Variants in SRGAP2B observed in about 807,000 individuals in gnomAD.
SRGAP2B encodes the protein SLIT-ROBO Rho GTPase activating protein 2B, also known as SLIT-ROBO Rho GTPase-activating protein 2B.
A neutral mutation model predicts 22.2 loss-of-function variants in SRGAP2B; 9 were observed. The ratio of observed to expected loss-of-function variants is 0.41; its 90% CI spans 0.24 to 0.71. The LOEUF is 0.71. Ranked by LOEUF, SRGAP2B falls within the 30% of genes least tolerant of loss-of-function variation. The pLI is 0.35. For missense variants in SRGAP2B, 114 were observed against 235.8 expected (o/e 0.48, Z 3.38); for synonymous variants, 36 against 87.4 (o/e 0.41, Z 3.28).
chr1:144,990,949 T>C (rs1182845671), intron 3 of SRGAP2B, among the ~76,000 whole-genome samples: 3 of 150,724 alleles, frequency 2.0e-5, no homozygotes, highest in African/African-American at 7.4e-5. Context: ...CATGGGCTCC[T>C]GTGCGGCCGG....
At chr1:145,016,741 T>A (rs1672440640) in intron 2 of SRGAP2B, among the ~76,000 whole-genome samples, 2 of 139,046 alleles carry the variant, frequency 1.4e-5, no homozygotes, top group African/African-American at 5.6e-5. Flanking sequence ...CTGTAGAATT[T>A]GTCATGATTT....
intron 7 of SRGAP2B, among the ~76,000 whole-genome samples, chr1:144,899,458 A>T: frequency 8.5e-6 from 1 of 117,304 alleles, no homozygotes; most frequent in Non-Finnish European, 1.7e-5. Context: ...GTATAATCTT[A>T]ATTTTCCAGG....
At chr1:145,039,287 G>A (rs1345066097) in intron 2 of SRGAP2B, among the ~76,000 whole-genome samples, 1 of 39,692 alleles carries the variant, frequency 2.5e-5, no homozygotes, top group Non-Finnish European at 5.1e-5. Flanking sequence ...ATCAGCCTGG[G>A]GAACATAGGG....
At chr1:145,020,853 G>A (rs587641085) in intron 2 of SRGAP2B, among the ~76,000 whole-genome samples, 5 of 150,196 alleles carry the variant, frequency 3.3e-5, no homozygotes, top group Non-Finnish European at 7.4e-5. Context: ...AGGCTGGAGT[G>A]CAGTGGCATG....
intron 4 of SRGAP2B, among the ~76,000 whole-genome samples, chr1:144,945,703 G>C (rs1339063062): frequency 3.4e-5 from 5 of 146,906 alleles, no homozygotes; most frequent in Admixed American, 1.4e-4. Context: ...AAATAATGGA[G>C]GCCAGAAGGC....
intron 4 of SRGAP2B, among the ~76,000 whole-genome samples, chr1:144,934,360 C>T (rs1553343695): frequency 7.8e-5 from 11 of 140,428 alleles, no homozygotes; most frequent in East Asian, 2.0e-4. Context: ...GTCAAGATCG[C>T]GCACTGCACT....
chr1:145,009,428 A>T (rs1671873106), intron 2 of SRGAP2B, among the ~76,000 whole-genome samples: 1 of 147,924 alleles, frequency 6.8e-6, no homozygotes, highest in Admixed American at 6.7e-5. Flanking sequence ...CTCTACTAAA[A>T]ATACAAAAAA....
At chr1:145,039,133 C>A (rs1648976782) in intron 2 of SRGAP2B, among the ~76,000 whole-genome samples, 1 of 72,546 alleles carries the variant, frequency 1.4e-5, no homozygotes, top group African/African-American at 5.1e-5. Flanking sequence ...AGAGTTCTTG[C>A]TCTAACAAAA....
At chr1:144,944,482 G>A (rs1217024481) in intron 4 of SRGAP2B, among the ~76,000 whole-genome samples, 3 of 142,728 alleles carry the variant, frequency 2.1e-5, no homozygotes, top group Non-Finnish European at 3.0e-5. Context: ...AGACACATGA[G>A]AAGCTGAGGT....
chr1:144,993,968 T>A (rs1209240059), intron 3 of SRGAP2B, among the ~76,000 whole-genome samples: 1 of 150,412 alleles, frequency 6.6e-6, no homozygotes, highest in African/African-American at 2.5e-5. Flanking sequence ...TTATGAGGTT[T>A]TTTTGCAATT....
intron 2 of SRGAP2B, among the ~76,000 whole-genome samples, chr1:145,063,016 T>C (rs1651086729): frequency 6.7e-6 from 1 of 150,320 alleles, no homozygotes; most frequent in Non-Finnish European, 1.5e-5. Context: ...CGTTCTAAAC[T>C]TCCAGCTCCA....
intron 3 of SRGAP2B, among the ~76,000 whole-genome samples, chr1:144,966,784 G>C (rs1668116496): frequency 6.7e-6 from 1 of 148,770 alleles, no homozygotes; most frequent in South Asian, 2.1e-4. Flanking sequence ...GAAAATAAAA[G>C]GATGGAGGAA....
rs1457003027 is a variant in SRGAP2B at position 144,998,817 on chromosome 1, C to T, written c.68-3617G>A. 4.6e-5 allele frequency among the ~76,000 whole-genome samples: 7 copies of T among 150,914 alleles called. 1 individual carries two copies. The East Asian group carries it at 7.8e-4, about 17-fold the overall frequency. ...CCAGGGAAAAATGTGCTGCCTTAGG[C>T]GCTGCTGCTGCTGCTCCTACAAAGA... On this transcript the variant is annotated intron_variant, in intron 2 of 9. Transcript: ENST00000612199.
intron 3 of SRGAP2B, among the ~76,000 whole-genome samples, chr1:144,976,011 C>T (rs1261118896): frequency 6.7e-6 from 1 of 149,230 alleles, no homozygotes; most frequent in African/African-American, 2.5e-5. Context: ...GTAGCTGGGA[C>T]CACAGGCGCC....
intron 2 of SRGAP2B, among the ~76,000 whole-genome samples, chr1:145,030,332 T>C (rs1553625759): frequency 6.7e-6 from 1 of 150,318 alleles, no homozygotes; most frequent in African/African-American, 2.5e-5. Context: ...GCTTTAGTCT[T>C]ATATCTATCT....
intron 3 of SRGAP2B, among the ~76,000 whole-genome samples, chr1:144,957,677 A>G (rs1252618851): frequency 1.3e-5 from 2 of 149,194 alleles, no homozygotes; most frequent in Non-Finnish European, 2.9e-5. Context: ...ACTGGAAACA[A>G]TCCTAAATTC....
At chr1:144,921,008 C>T (rs1664209240) in intron 4 of SRGAP2B, among the ~76,000 whole-genome samples, 1 of 149,296 alleles carries the variant, frequency 6.7e-6, no homozygotes. Flanking sequence ...ATTTATAGAA[C>T]ATTTATTAAG....
intron 4 of SRGAP2B, among the ~76,000 whole-genome samples, chr1:144,951,906 T>C (rs620454): frequency 6.8e-6 from 1 of 148,046 alleles, no homozygotes. Context: ...ATTGCTGACA[T>C]TGTAGATATC....
intron 8 of SRGAP2B, among the ~76,000 whole-genome samples, chr1:144,893,893 AC>A (rs1209739305): frequency 5.3e-5 from 6 of 113,630 alleles, no homozygotes; most frequent in Admixed American, 5.1e-4. Flanking sequence ...CCCTTCATAC[AC>A]CAGAGTGAAA....
Sources: gnomAD v4.1 joint callset for allele counts (sites outside exome capture counted in the v4.1 genomes callset) on GRCh38, gnomAD v4.1.1 for gene constraint, MANE v1.5 for transcripts, NCBI Gene and HGNC (gene_info 2026-07-23, HGNC 2026-07-21) for gene names.